Variants in GPCPD1 observed in about 807,000 individuals in gnomAD.
GPCPD1 encodes glycerophosphocholine phosphodiesterase GPCPD1.
Under a neutral mutation model 89.2 loss-of-function variants are expected in GPCPD1, and 29 were observed. That is an observed-to-expected ratio of 0.33 (90% CI 0.24 to 0.44). The LOEUF (loss-of-function observed/expected upper bound fraction) is 0.44. Ranked by LOEUF, GPCPD1 falls within the 20% of genes least tolerant of loss-of-function variation. GPCPD1 has a pLI of 1.00. For synonymous variants in GPCPD1, 258 were observed against 266.3 expected, an observed-to-expected ratio of 0.97 and a Z score of 0.30; for missense variants, 594 against 808.9, an observed-to-expected ratio of 0.73 and a Z score of 3.22.
chr20:5,578,517 A>G lies in GPCPD1; in HGVS notation c.568T>C (p.Leu190=). The G allele has an allele frequency of 6.2e-7, 1 of 1,613,682 alleles. No individual in the cohort carries two copies. The highest frequency in any genetic ancestry group is 8.5e-7 in the Non-Finnish European group (1 of 1,179,532). ...CACTTGAACTCATTGTCGCTTATTA[A>G]GGATATCTCCAAGCTATTGGACATT... The part of the protein sequence containing the change: ...HKMSNSLEIS[L]ISDNEFKCRH... Residue 190 remains leucine, a synonymous_variant, in exon 8 of 20, where the codon TTA becomes CTA. Coordinates refer to ENST00000379019, the MANE Select transcript of GPCPD1 (RefSeq NM_019593.5).
At position 5,578,561 on chromosome 20, in the gene GPCPD1, G is replaced by A. The variant is rs769412399; in HGVS notation, c.524C>T (p.Ser175Phe). 6 of 1,613,614 alleles carry A rather than the reference G, an allele frequency of 3.7e-6. No individual in the cohort carries two copies. The highest frequency in any genetic ancestry group is 5.1e-6 in the Non-Finnish European group (6 of 1,179,520). ...GGACATTTTGTGGAGTACAGTGGGA[G>A]ATACCCTATCATCGTCATCTTCCTC... ...GLEEDDDDRV[S>F]PTVLHKMSNS... The change falls in exon 8 of 20, where the codon TCT becomes TTT. Residue 175 changes from serine to phenylalanine, a missense_variant. Transcript: ENST00000379019.
At chr20:5,555,717 A>G (rs1042360661) in intron 19 of GPCPD1, among the ~76,000 whole-genome samples, 2 of 151,934 alleles carry the variant, frequency 1.3e-5, no homozygotes, top group Non-Finnish European at 2.9e-5. Flanking sequence ...TTAGCCAGGC[A>G]TGGTGGCAGG....
Position 5,580,048 on chromosome 20 carries a change from CAGG to C in GPCPD1, c.430_432del (p.Pro144del). The C allele has an allele frequency of 1.3e-6, 2 of 1,523,076 alleles. No homozygotes were observed. Among genetic ancestry groups the C allele is most frequent in the Non-Finnish European group, 1.8e-6 (2 of 1,098,506 alleles). 94.3% of individuals were successfully genotyped at this position (1,523,076 alleles called of 1,614,324 possible). ...TTTAATTTTTTCTTGGTTATTGACACAGGAGGTTTTTCAGAATAATGCAAACGT... is the reference window on the plus strand; with the variant it reads ...TTTAATTTTTTCTTGGTTATTGACACAGGTTTTTCAGAATAATGCAAACGT... On this transcript the variant is annotated inframe_deletion, in exon 7 of 20. Transcript: ENST00000379019.
chr20:5,561,760 G>C (rs6085205), intron 15 of GPCPD1, among the ~76,000 whole-genome samples: 2 of 152,190 alleles, frequency 1.3e-5, no homozygotes, highest in African/African-American at 4.8e-5. Context: ...AGGAGTCTCA[G>C]GCACTGTCTG....
chr20:5,570,824 C>T (rs1282849753), intron 11 of GPCPD1, among the ~76,000 whole-genome samples: 3 of 151,726 alleles, frequency 2.0e-5, no homozygotes, highest in Admixed American at 2.0e-4. Flanking sequence ...CTAATGAAAG[C>T]CAAACAAATG....
intron 6 of GPCPD1, among the ~76,000 whole-genome samples, 177 bp downstream of exon 6, chr20:5,584,104 A>G (rs2122712112): frequency 6.6e-6 from 1 of 152,334 alleles, no homozygotes; most frequent in East Asian, 1.9e-4. Context: ...GGAATTTTTC[A>G]GCTTCATTAT....
chr20:5,597,898 CTAAG>C (rs1480782050), intron 3 of GPCPD1, among the ~76,000 whole-genome samples: 2 of 152,162 alleles, frequency 1.3e-5, no homozygotes, highest in African/African-American at 4.8e-5. Context: ...GCTAAGCTAT[CTAAG>C]TATGTGTTCC....
intron 1 of GPCPD1, among the ~76,000 whole-genome samples, chr20:5,610,407 T>C (rs1248909483): frequency 6.6e-6 from 1 of 151,998 alleles, no homozygotes; most frequent in Non-Finnish European, 1.5e-5. Context: ...GGTGAGTAAC[T>C]TAGGGACAGA....
chr20:5,581,516 C>T (rs1414860008), intron 6 of GPCPD1, among the ~76,000 whole-genome samples: 1 of 152,108 alleles, frequency 6.6e-6, no homozygotes, highest in Non-Finnish European at 1.5e-5. Context: ...GCCACTAGTG[C>T]CGGGGGTGTG....
chr20:5,603,746 C>CTTT (rs1181802350), intron 2 of GPCPD1, among the ~76,000 whole-genome samples: 3 of 135,406 alleles, frequency 2.2e-5, no homozygotes, highest in Non-Finnish European at 4.8e-5. Flanking sequence ...CCAACTTATT[C>CTTT]TTTTTTTTTT....
intron 16 of GPCPD1, 137 bp downstream of exon 16, chr20:5,561,328 T>A (rs545842136): frequency 2.0e-6 from 1 of 505,288 alleles, no homozygotes; most frequent in East Asian, 3.1e-5. Flanking sequence ...AAGGGTCCAA[T>A]AAGCATTGTG....
intron 5 of GPCPD1, chr20:5,584,532 G>A (rs1568666688): frequency 6.1e-6 from 2 of 328,720 alleles, no homozygotes; most frequent in Non-Finnish European, 5.7e-6. Context: ...TACATACTTC[G>A]TTGATTGTCC....
chr20:5,608,551 G>A (rs2039741462), intron 1 of GPCPD1, among the ~76,000 whole-genome samples: 1 of 151,484 alleles, frequency 6.6e-6, no homozygotes, highest in Admixed American at 6.6e-5. Context: ...CAGTGACCAA[G>A]TAAAAAAATG....
At chr20:5,576,006 T>C (rs775584616) in intron 8 of GPCPD1, 28 bp from the exon 9 acceptor site, 7 of 1,416,412 alleles carry the variant, frequency 4.9e-6, no homozygotes, top group Non-Finnish European at 6.9e-6. Flanking sequence ...AAAATAATCT[T>C]AATTTTTAAA....
At chr20:5,584,212 C>T (rs1978753600) in intron 6 of GPCPD1, 69 bp downstream of exon 6, 1 of 791,072 alleles carries the variant, frequency 1.3e-6, no homozygotes, top group Non-Finnish European at 2.2e-6. Flanking sequence ...TGCTATATAA[C>T]TCCAGTGAAA....
chr20:5,575,740 T>C (rs926197411), intron 9 of GPCPD1, 76 bp downstream of exon 9: 6 of 1,004,120 alleles, frequency 6.0e-6, no homozygotes, highest in Middle Eastern at 3.0e-4. Context: ...ATCTTTATCA[T>C]TATCAAATAC....
At chr20:5,580,775 T>C (rs541316953) in intron 6 of GPCPD1, among the ~76,000 whole-genome samples, 24 of 151,036 alleles carry the variant, frequency 1.6e-4, no homozygotes, top group East Asian at 5.8e-4. Context: ...TAATGAATCA[T>C]TGTGAACAGG....
At chr20:5,605,166 G>C (rs1600812767) in intron 1 of GPCPD1, among the ~76,000 whole-genome samples, 2 of 152,080 alleles carry the variant, frequency 1.3e-5, no homozygotes, top group South Asian at 4.1e-4. Flanking sequence ...AAACAAGACA[G>C]AATACATGCC....
chr20:5,595,395 C>T (rs1437732440), intron 3 of GPCPD1, among the ~76,000 whole-genome samples: 2 of 152,184 alleles, frequency 1.3e-5, no homozygotes, highest in African/African-American at 2.4e-5. Flanking sequence ...GTAATCCCAA[C>T]TCTTTGGGAG....
Sources: allele counts gnomAD v4.1 joint callset (sites outside exome capture counted in the v4.1 genomes callset), GRCh38; gene constraint gnomAD v4.1.1; transcripts MANE v1.5; gene names NCBI Gene and HGNC (gene_info 2026-07-23, HGNC 2026-07-21).